Variants in PABPC4L observed in about 807,000 individuals in gnomAD.
PABPC4L encodes the protein polyadenylate-binding protein 4-like.
For synonymous variants in PABPC4L, 169 were observed against 164.1 expected, an observed-to-expected ratio of 1.03 and a Z score of -0.23; for missense variants, 452 against 451.4, an observed-to-expected ratio of 1.00 and a Z score of -0.01.
the PABPC4L span, among the ~76,000 whole-genome samples, chr4:134,115,211 T>G: frequency 2.0e-5 from 3 of 151,926 alleles, no homozygotes; most frequent in Admixed American, 2.0e-4. Flanking sequence ...ATTTATTCAT[T>G]GTTTACTTCA....
At chr4:133,969,042 G>A in the PABPC4L span, among the ~76,000 whole-genome samples, 1 of 152,110 alleles carries the variant, frequency 6.6e-6, no homozygotes, top group Non-Finnish European at 1.5e-5. Context: ...TGTGGTTTGG[G>A]TCTCGGGTCT....
chr4:133,978,375 A>G, the PABPC4L span, among the ~76,000 whole-genome samples: 3 of 152,178 alleles, frequency 2.0e-5, no homozygotes, highest in Non-Finnish European at 4.4e-5. Flanking sequence ...TGGGAGGCCA[A>G]GGCAAGAGGA....
chr4:134,010,624 C>T, the PABPC4L span: 100,877 of 152,022 alleles, frequency 0.66, 34,557 homozygotes, highest in East Asian at 0.99. Context: ...GCTTGTGTCT[C>T]CAACATCTCT....
the PABPC4L span, among the ~76,000 whole-genome samples, chr4:133,959,516 A>G: frequency 2.0e-5 from 3 of 152,220 alleles, no homozygotes; most frequent in Non-Finnish European, 4.4e-5. Context: ...TTTGAAAACT[A>G]AAACAAGAAC....
the PABPC4L span, among the ~76,000 whole-genome samples, chr4:134,073,165 C>T: frequency 6.6e-6 from 1 of 152,142 alleles, no homozygotes; most frequent in Non-Finnish European, 1.5e-5. Context: ...AAGGCAAGTT[C>T]CTTCCACCTA....
At chr4:133,967,671 G>A in the PABPC4L span, among the ~76,000 whole-genome samples, 80 of 152,234 alleles carry the variant, frequency 5.3e-4, 1 homozygote, top group East Asian at 0.013. Context: ...GCAATGAGGC[G>A]GCAGCATCTC....
the PABPC4L span, among the ~76,000 whole-genome samples, chr4:133,967,188 A>C: frequency 1.3e-5 from 2 of 152,050 alleles, no homozygotes; most frequent in East Asian, 3.9e-4. Flanking sequence ...AAGTGTTGAG[A>C]GGGCCAGGCA....
the PABPC4L span, among the ~76,000 whole-genome samples, chr4:134,028,032 G>T: frequency 6.6e-6 from 1 of 152,088 alleles, no homozygotes; most frequent in Non-Finnish European, 1.5e-5. Context: ...TAGTTAGGTT[G>T]GTGTAGATGG....
At chr4:134,156,609 G>A in the PABPC4L span, among the ~76,000 whole-genome samples, 1 of 151,772 alleles carries the variant, frequency 6.6e-6, no homozygotes, top group Admixed American at 6.6e-5. Context: ...GAAATATAGT[G>A]TAAACTATAA....
the PABPC4L span, among the ~76,000 whole-genome samples, chr4:134,104,370 G>A: frequency 1.3e-5 from 2 of 151,696 alleles, no homozygotes; most frequent in African/African-American, 2.4e-5. Context: ...GTTCTTTCTT[G>A]AGCAGCAAAG....
At chr4:134,115,944 A>T in the PABPC4L span, among the ~76,000 whole-genome samples, 2 of 151,856 alleles carry the variant, frequency 1.3e-5, no homozygotes, top group African/African-American at 4.8e-5. Context: ...AAAAGAATAT[A>T]TTTGATTAGA....
At chr4:134,073,447 C>T in the PABPC4L span, among the ~76,000 whole-genome samples, 4 of 152,164 alleles carry the variant, frequency 2.6e-5, no homozygotes, top group East Asian at 7.7e-4. Context: ...AGGGTATAGG[C>T]CCCCTGCTGG....
chr4:134,149,101 T>A, the PABPC4L span, among the ~76,000 whole-genome samples: 1 of 152,112 alleles, frequency 6.6e-6, no homozygotes, highest in African/African-American at 2.4e-5. Flanking sequence ...TTTCCTATAT[T>A]GATTACTGCT....
chr4:134,131,964 A>G, the PABPC4L span, among the ~76,000 whole-genome samples: 4 of 152,008 alleles, frequency 2.6e-5, no homozygotes, highest in Non-Finnish European at 5.9e-5. Context: ...AAATTGGGGA[A>G]TGGACATTCT....
At chr4:134,067,279 A>G in the PABPC4L span, among the ~76,000 whole-genome samples, 1 of 152,118 alleles carries the variant, frequency 6.6e-6, no homozygotes, top group Non-Finnish European at 1.5e-5. Context: ...AGTTTCCAAT[A>G]GTTTATCCAT....
chr4:134,113,066 T>C, the PABPC4L span, among the ~76,000 whole-genome samples: 1 of 151,944 alleles, frequency 6.6e-6, no homozygotes, highest in African/African-American at 2.4e-5. Flanking sequence ...AAAAAATTTA[T>C]AGAATAAGGA....
At chr4:134,011,589 G>A in the PABPC4L span, among the ~76,000 whole-genome samples, 1 of 151,942 alleles carries the variant, frequency 6.6e-6, no homozygotes, top group Non-Finnish European at 1.5e-5. Context: ...TATATTATTT[G>A]ACATATTTTC....
At chr4:134,015,712 T>C in the PABPC4L span, among the ~76,000 whole-genome samples, 5 of 152,140 alleles carry the variant, frequency 3.3e-5, no homozygotes, top group African/African-American at 9.7e-5. Flanking sequence ...GCATGGTTAG[T>C]GTGGTCAGAA....
the PABPC4L span, among the ~76,000 whole-genome samples, chr4:134,043,537 G>T: frequency 6.6e-6 from 1 of 152,042 alleles, no homozygotes; most frequent in Admixed American, 6.6e-5. Context: ...TTATATTATT[G>T]CACCAACCTA....
Sources: gnomAD v4.1 joint callset for allele counts (sites outside exome capture counted in the v4.1 genomes callset) on GRCh38, gnomAD v4.1.1 for gene constraint, MANE v1.5 for transcripts, NCBI Gene and HGNC (gene_info 2026-07-23, HGNC 2026-07-21) for gene names.